ESR1: variants seen among roughly 807,000 people sequenced by gnomAD.
The protein encoded by ESR1 is estrogen receptor 1.
Under a neutral mutation model 52.7 loss-of-function variants are expected in ESR1, and 12 were observed. The ratio of observed to expected loss-of-function variants is 0.23; its 90% CI spans 0.15 to 0.37. The LOEUF is 0.37. ESR1 is among the 10% of genes least tolerant of loss of function. The pLI is 1.00. For missense variants in ESR1, 584 were observed against 779.7 expected (o/e 0.75, Z 2.99); for synonymous variants, 305 against 316.8 (o/e 0.96, Z 0.39).
At chr6:151,956,317 A>T (rs2036909050) in intron 4 of ESR1, among the ~76,000 whole-genome samples, 1 of 152,330 alleles carries the variant, frequency 6.6e-6, no homozygotes, top group South Asian at 2.1e-4. Context: ...CACACCAGAG[A>T]ACAAAATTGA....
At chr6:151,831,933 G>A (rs891340488) in intron 1 of ESR1, among the ~76,000 whole-genome samples, 7 of 152,028 alleles carry the variant, frequency 4.6e-5, no homozygotes, top group African/African-American at 1.7e-4. Flanking sequence ...CAGCCATAAC[G>A]TTCTCCCTAG....
chr6:151,793,024 A>G (rs1475269560), intron 2 of ESR1, among the ~76,000 whole-genome samples: 6 of 152,026 alleles, frequency 3.9e-5, no homozygotes, highest in African/African-American at 1.4e-4. Context: ...CAAAAAAATT[A>G]GCCGGGCATG....
intron 5 of ESR1, among the ~76,000 whole-genome samples, chr6:152,035,951 T>C (rs953334357): frequency 5.9e-5 from 9 of 152,194 alleles, no homozygotes; most frequent in African/African-American, 2.2e-4. Context: ...ACTAAAACTT[T>C]TATAGGAAAA....
At chr6:151,659,897 G>C (rs191666112) in intron 1 of ESR1, among the ~76,000 whole-genome samples, 1 of 152,268 alleles carries the variant, frequency 6.6e-6, no homozygotes, top group Non-Finnish European at 1.5e-5. Context: ...GAACTCTTAG[G>C]CATAATAGTC....
Position 152,099,227 on chromosome 6 carries a change from G to A in ESR1, c.*261G>A, listed in dbSNP as rs2050873294. 1.9e-6 allele frequency: 1 copy of A among 528,294 alleles called. No homozygotes were observed. Among genetic ancestry groups the A allele is most frequent in the Admixed American group, 3.1e-5 (1 of 32,756 alleles). 32.7% of individuals were successfully genotyped at this position (528,294 alleles called of 1,614,324 possible). A position where few individuals can be genotyped will look rare whatever the true frequency, so the allele number is the denominator to read the frequency against. Reference sequence around the variant, plus strand: ...CCCCTTGCTATGTTACTAAGCGTGAGGATTCCCGTAGCTCTTCACAGCTGA... The same window carrying A: ...CCCCTTGCTATGTTACTAAGCGTGAAGATTCCCGTAGCTCTTCACAGCTGA... On this transcript the variant is annotated 3_prime_UTR_variant, in exon 8 of 8. Transcript: ENST00000206249.
At chr6:151,685,323 C>T (rs933532380) in intron 1 of ESR1, among the ~76,000 whole-genome samples, 1 of 150,902 alleles carries the variant, frequency 6.6e-6, no homozygotes, top group South Asian at 2.1e-4. Context: ...TTAGTAGAGA[C>T]GGGGTTTCAC....
intron 6 of ESR1, among the ~76,000 whole-genome samples, chr6:152,114,698 G>A (rs2747651): frequency 1.3e-5 from 2 of 150,820 alleles, no homozygotes; most frequent in African/African-American, 4.9e-5. Context: ...GAGACCATCC[G>A]GGCTAAAACG....
intron 5 of ESR1, among the ~76,000 whole-genome samples, chr6:152,060,686 A>G (rs572442464): frequency 1.3e-5 from 2 of 152,334 alleles, no homozygotes; most frequent in South Asian, 4.1e-4. Context: ...CCAGATCTTG[A>G]TCATTTTCAA....
At chr6:151,747,968 C>A (rs1479274470) in intron 2 of ESR1, among the ~76,000 whole-genome samples, 4 of 152,156 alleles carry the variant, frequency 2.6e-5, no homozygotes, top group African/African-American at 7.2e-5. Flanking sequence ...TGTGTGGACA[C>A]ACATCTTTAA....
At chr6:151,706,235 A>G (rs1421333860) in intron 2 of ESR1, among the ~76,000 whole-genome samples, 5 of 152,234 alleles carry the variant, frequency 3.3e-5, no homozygotes, top group Admixed American at 6.5e-5. Flanking sequence ...CTGCTCATCA[A>G]AGTGGAAATA....
At chr6:151,834,267 T>G (rs796568354) in intron 1 of ESR1, among the ~76,000 whole-genome samples, 5 of 152,328 alleles carry the variant, frequency 3.3e-5, no homozygotes, top group African/African-American at 1.2e-4. Context: ...ATTGCAGCAT[T>G]GTTCACAATA....
chr6:152,061,273 A>G lies in ESR1; in HGVS notation c.1369+149A>G. ...TTTTAAAATAACCTACCAACATTGC[A>G]GATTCCTTATAAAGGTAGAACCATG... On this transcript the variant is annotated intron_variant, in intron 6 of 7. Transcript: ENST00000206249. This position sits in a 1 kb window ranked among gnomAD's most constrained non-coding sequence, Gnocchi z 4.3. 1.2e-6 allele frequency: 1 copy of G among 803,694 alleles called. No homozygotes were observed. The allele number at this position is 803,694 out of a possible 1,614,324, so 49.8% of individuals were successfully genotyped here.
At chr6:152,043,987 A>G (rs1405766619) in intron 5 of ESR1, among the ~76,000 whole-genome samples, 1 of 152,180 alleles carries the variant, frequency 6.6e-6, no homozygotes, top group African/African-American at 2.4e-5. Context: ...CAATCTTAGA[A>G]GATTTGAGGC....
chr6:152,041,199 G>A (rs2144026), intron 5 of ESR1, among the ~76,000 whole-genome samples: 56,971 of 151,980 alleles, frequency 0.37, 12,277 homozygotes, highest in African/African-American at 0.59. Flanking sequence ...GGCCTGCCAA[G>A]GGCTCCAAAC....
At chr6:151,988,300 G>A (rs1584674046) in intron 4 of ESR1, among the ~76,000 whole-genome samples, 1 of 152,054 alleles carries the variant, frequency 6.6e-6, no homozygotes, top group South Asian at 2.1e-4. Flanking sequence ...ATCATAAGGA[G>A]TGCACAACCT....
At position 151,808,076 on chromosome 6, in the gene ESR1, C is replaced by T. The variant is rs1029589189; in HGVS notation, c.164C>T (p.Pro55Leu). Residue 55 changes from proline (P) to leucine (L), a missense_variant, in exon 1 of 8, where the codon CCC (proline) becomes CTC (leucine). Transcript: ENST00000206249. ...DSSKPAVYNY[P>L]EGAAYEFNAA... is the part of the protein sequence containing the mutation. ...AGCAAGCCCGCCGTGTACAACTACC[C>T]CGAGGGCGCCGCCTACGAGTTCAAC... 3.7e-6 allele frequency: 6 copies of T among 1,612,980 alleles called. 1 individual carries two copies. Among genetic ancestry groups the T allele is most frequent in the Middle Eastern group, 1.6e-4 (1 of 6,084 alleles).
chr6:151,862,276 G>A (rs555170769), intron 2 of ESR1, among the ~76,000 whole-genome samples: 1 of 152,144 alleles, frequency 6.6e-6, no homozygotes, highest in Non-Finnish European at 1.5e-5. Flanking sequence ...ATTGTGTTCT[G>A]TTGCCTTCTC....
chr6:151,962,545 G>A (rs1338777115), intron 4 of ESR1, among the ~76,000 whole-genome samples: 1 of 152,138 alleles, frequency 6.6e-6, no homozygotes, highest in African/African-American at 2.4e-5. Context: ...ACTAAATAGC[G>A]ATAGAGTTTT....
chr6:151,657,645 A>G (rs542431318), intron 1 of ESR1, among the ~76,000 whole-genome samples: 23 of 152,164 alleles, frequency 1.5e-4, no homozygotes, highest in Non-Finnish European at 2.5e-4. Context: ...TAGTTTAAAT[A>G]TTATGCATTT....
Sources: allele counts gnomAD v4.1 joint callset (sites outside exome capture counted in the v4.1 genomes callset), GRCh38; gene constraint gnomAD v4.1.1; non-coding constraint Gnocchi (gnomAD v3.1); transcripts MANE v1.5; gene names NCBI Gene and HGNC (gene_info 2026-07-23, HGNC 2026-07-21).